The following MTMR7 variants were observed in gnomAD, a reference collection of about 807,000 sequenced individuals.
The protein encoded by MTMR7 is myotubularin related protein 7.
In MTMR7, 76 loss-of-function variants were observed where a neutral mutation model predicts 81.2. The ratio of observed to expected loss-of-function variants is 0.94; its 90% CI spans 0.78 to 1.13. MTMR7 has a LOEUF of 1.13. Ranked by LOEUF, MTMR7 falls within the 50% of genes most tolerant of loss-of-function variation. The pLI is 0.00. For synonymous variants in MTMR7, 372 were observed against 289.8 expected, an observed-to-expected ratio of 1.28 and a Z score of -2.88; for missense variants, 1,044 against 820.0, an observed-to-expected ratio of 1.27 and a Z score of -3.34.
In MTMR7 at chr8:17,311,775, C is replaced by G. The variant is rs552055218; in HGVS notation, c.976-139G>C. 3.7e-6 allele frequency: 5 copies of G among 1,338,752 alleles called. No individual in the cohort carries two copies. In the African/African-American group the frequency reaches 5.8e-5, roughly 16 times the overall value. The allele number at this position is 1,338,752 out of a possible 1,614,324, so 82.9% of individuals were successfully genotyped here. ...CACCTGTCCATTCGTCTGTTTAGGG[C>G]CCCCCCTAATTAGGGCAGAGCCAGA... On this transcript the variant is annotated intron_variant, in intron 8 of 13. Coordinates refer to ENST00000180173, the MANE Select transcript of MTMR7 (RefSeq NM_004686.5).
intron 1 of MTMR7, among the ~76,000 whole-genome samples, chr8:17,381,451 GTCTT>G (rs1820759011): frequency 6.6e-6 from 1 of 151,964 alleles, no homozygotes; most frequent in African/African-American, 2.4e-5. Flanking sequence ...TAGAATGTGG[GTCTT>G]TCTATCCTGC....
At chr8:17,369,651 T>TC (rs1362691843) in intron 3 of MTMR7, among the ~76,000 whole-genome samples, 6 of 145,256 alleles carry the variant, frequency 4.1e-5, no homozygotes, top group Admixed American at 6.9e-5. Context: ...CTTTTTTTTT[T>TC]TTTTTTTTTT....
intron 9 of MTMR7, among the ~76,000 whole-genome samples, chr8:17,309,567 G>A (rs576765239): frequency 6.6e-6 from 1 of 152,252 alleles, no homozygotes; most frequent in Admixed American, 6.5e-5. Flanking sequence ...AACCCCACCC[G>A]CTGAATGCTT....
rs528332191 is a variant in MTMR7, at chr8:17,372,442, G to C, written c.147+676C>G. Among the ~76,000 whole-genome samples the C allele has an allele frequency of 2.0e-5, 3 of 152,084 alleles. No individual in the cohort carries two copies. In the East Asian group the frequency reaches 5.8e-4, roughly 29 times the overall value. On this transcript the variant is annotated intron_variant, in intron 2 of 13. Coordinates refer to ENST00000180173, the MANE Select transcript of MTMR7 (RefSeq NM_004686.5). ...CTCTACTAAAAACACAAAAAAGTCAGCCAGGCGTGGTGGCGCGTGACTGTA... is the reference window on the plus strand; with the variant it reads ...CTCTACTAAAAACACAAAAAAGTCACCCAGGCGTGGTGGCGCGTGACTGTA...
chr8:17,390,946 G>A (rs1821088598), intron 1 of MTMR7, among the ~76,000 whole-genome samples: 1 of 152,214 alleles, frequency 6.6e-6, no homozygotes, highest in African/African-American at 2.4e-5. Flanking sequence ...TGGGGGCACA[G>A]AGCCAGACCA....
intron 8 of MTMR7, among the ~76,000 whole-genome samples, chr8:17,312,632 C>T (rs917456687): frequency 2.7e-5 from 4 of 150,114 alleles, no homozygotes; most frequent in Admixed American, 1.3e-4. Flanking sequence ...AATATAAGCT[C>T]TGTGAGGGAA....
At chr8:17,391,908 G>A (rs1238185239) in intron 1 of MTMR7, among the ~76,000 whole-genome samples, 3 of 152,168 alleles carry the variant, frequency 2.0e-5, no homozygotes, top group East Asian at 1.9e-4. Flanking sequence ...TTGGGTTTAT[G>A]TCCTGGGAAG....
At chr8:17,343,448 G>A (rs1319442315) in intron 5 of MTMR7, among the ~76,000 whole-genome samples, 1 of 151,976 alleles carries the variant, frequency 6.6e-6, no homozygotes, top group Non-Finnish European at 1.5e-5. Context: ...AGAAATATTA[G>A]TTAAGGACAG....
At chr8:17,343,377 C>T (rs1315010662) in intron 5 of MTMR7, among the ~76,000 whole-genome samples, 5 of 152,102 alleles carry the variant, frequency 3.3e-5, no homozygotes, top group Non-Finnish European at 7.4e-5. Context: ...TTGCAGTGCA[C>T]TGAGATTACA....
intron 3 of MTMR7, among the ~76,000 whole-genome samples, chr8:17,361,768 G>A (rs1326545365): frequency 6.6e-6 from 1 of 152,048 alleles, no homozygotes; most frequent in African/African-American, 2.4e-5. Context: ...AAAAAACTCT[G>A]GAATATACTA....
At chr8:17,384,896 T>C (rs55897756) in intron 1 of MTMR7, among the ~76,000 whole-genome samples, 4,513 of 152,206 alleles carry the variant, frequency 0.03, 218 homozygotes, top group African/African-American at 0.1. Context: ...ACATCAGAGA[T>C]TAGAGAAGAA....
intron 3 of MTMR7, among the ~76,000 whole-genome samples, chr8:17,364,262 T>A (rs748694292): frequency 2.0e-5 from 3 of 152,034 alleles, no homozygotes; most frequent in African/African-American, 4.8e-5. Flanking sequence ...CTCGATCTCC[T>A]GACCTTGTGA....
At chr8:17,379,530 T>C (rs1820696388) in intron 1 of MTMR7, among the ~76,000 whole-genome samples, 2 of 152,210 alleles carry the variant, frequency 1.3e-5, no homozygotes, top group African/African-American at 2.4e-5. Flanking sequence ...TAGAAGGAGA[T>C]GGGGATCGCT....
chr8:17,315,924 G>C (rs540393505), intron 7 of MTMR7, among the ~76,000 whole-genome samples: 2 of 152,124 alleles, frequency 1.3e-5, no homozygotes, highest in Non-Finnish European at 2.9e-5. Flanking sequence ...GAGTTGAGAG[G>C]ATCACTTCAA....
intron 10 of MTMR7, among the ~76,000 whole-genome samples, chr8:17,308,128 GTCTT>G (rs1817580716): frequency 6.6e-6 from 1 of 151,804 alleles, no homozygotes. Context: ...GGGAATTTTA[GTCTT>G]TTATGGCTTC....
At chr8:17,358,146 A>G (rs1161653195) in intron 4 of MTMR7, among the ~76,000 whole-genome samples, 2 of 152,206 alleles carry the variant, frequency 1.3e-5, no homozygotes, top group East Asian at 3.8e-4. Context: ...TTTCAGATTG[A>G]GTAAAAAAAT....
chr8:17,323,999 C>T (rs73210279), intron 7 of MTMR7, among the ~76,000 whole-genome samples: 1 of 152,186 alleles, frequency 6.6e-6, no homozygotes, highest in Non-Finnish European at 1.5e-5. Flanking sequence ...AATATAACTA[C>T]TATTCTCTCA....
intron 1 of MTMR7, among the ~76,000 whole-genome samples, chr8:17,382,947 T>C (rs746131078): frequency 6.6e-6 from 1 of 152,054 alleles, no homozygotes; most frequent in African/African-American, 2.4e-5. Context: ...GTGCAGGGCA[T>C]TGGCTGTAAG....
chr8:17,412,048 T>A (rs569048403), intron 1 of MTMR7, among the ~76,000 whole-genome samples: 1 of 152,348 alleles, frequency 6.6e-6, no homozygotes, highest in African/African-American at 2.4e-5. Context: ...TGTAGCATTG[T>A]CTTCTAAGTT....
Sources: gnomAD v4.1 joint callset for allele counts (sites outside exome capture counted in the v4.1 genomes callset) on GRCh38, gnomAD v4.1.1 for gene constraint, MANE v1.5 for transcripts, NCBI Gene and HGNC (gene_info 2026-07-23, HGNC 2026-07-21) for gene names.